Variants in IFT57 observed in about 807,000 individuals in gnomAD.
The protein encoded by IFT57 is intraflagellar transport protein 57 homolog.
A neutral mutation model predicts 56.8 loss-of-function variants in IFT57; 59 were observed. That is an observed-to-expected ratio of 1.04 (90% CI 0.84 to 1.29). IFT57 has a LOEUF of 1.29. Ranked by LOEUF, IFT57 falls within the 50% of genes most tolerant of loss-of-function variation. IFT57 has a pLI of 0.00. For synonymous variants in IFT57, 209 were observed against 186.1 expected, an observed-to-expected ratio of 1.12 and a Z score of -1.00; for missense variants, 470 against 522.1, an observed-to-expected ratio of 0.90 and a Z score of 0.97.
Position 108,167,831 on chromosome 3 carries a change from G to A in IFT57, c.811C>T (p.His271Tyr). 6 of 1,591,930 alleles carry A rather than the reference G, an allele frequency of 3.8e-6. No homozygotes were observed. The highest frequency in any genetic ancestry group is 4.3e-6 in the Non-Finnish European group (5 of 1,169,750). The change falls in exon 7 of 11, where the codon CAC becomes TAC. Residue 271 changes from histidine (H) to tyrosine (Y), a missense_variant. His to Tyr is a moderately conservative substitution (Grantham distance 83). Transcript: ENST00000264538. Reference sequence around the variant, plus strand: ...AGAGCAGATTCAATTCCACTTCTGTGCTGGTGCATTTGGTCAACATGGATT... The same window carrying A: ...AGAGCAGATTCAATTCCACTTCTGTACTGGTGCATTTGGTCAACATGGATT... Reference protein sequence around the residue: ...WRIHVDQMHQHRSGIESALKE... With the variant: ...WRIHVDQMHQYRSGIESALKE...
At chr3:108,173,553 C>T (rs547967507) in intron 6 of IFT57, among the ~76,000 whole-genome samples, 1 of 151,926 alleles carries the variant, frequency 6.6e-6, no homozygotes, top group Non-Finnish European at 1.5e-5. Context: ...GAAAGGCTTA[C>T]ATTAGCCTCA....
chr3:108,168,467 T>G (rs930910339), intron 6 of IFT57, among the ~76,000 whole-genome samples: 5 of 151,998 alleles, frequency 3.3e-5, no homozygotes, highest in Non-Finnish European at 7.4e-5. Flanking sequence ...TTCAGTTTAC[T>G]ACAAAGTAAT....
chr3:108,180,961 G>C (rs893765051), intron 6 of IFT57, among the ~76,000 whole-genome samples: 2 of 151,936 alleles, frequency 1.3e-5, no homozygotes, highest in Non-Finnish European at 2.9e-5. Flanking sequence ...TATCAACAGT[G>C]AGGCATTAGC....
chr3:108,222,072 C>A (rs1442383998), intron 1 of IFT57, 39 bp downstream of exon 1: 13 of 1,559,182 alleles, frequency 8.3e-6, no homozygotes, highest in South Asian at 1.2e-5. Flanking sequence ...TCCCTGGGGG[C>A]TAGCAGGCAC....
At chr3:108,166,137 C>G (rs1045336009) in intron 8 of IFT57, among the ~76,000 whole-genome samples, 2 of 151,962 alleles carry the variant, frequency 1.3e-5, no homozygotes, top group African/African-American at 2.4e-5. Context: ...AGAAGTATCT[C>G]AAATTTACTT....
chr3:108,172,186 T>C (rs568029491), intron 6 of IFT57, among the ~76,000 whole-genome samples: 20 of 151,868 alleles, frequency 1.3e-4, no homozygotes, highest in Admixed American at 1.2e-3. Context: ...CCTCGAAGCA[T>C]GAGTAGCATT....
chr3:108,164,197 A>T (rs148997338), intron 9 of IFT57, among the ~76,000 whole-genome samples: 64 of 152,150 alleles, frequency 4.2e-4, no homozygotes, highest in African/African-American at 1.5e-3. Context: ...ACACTAAAAA[A>T]TGTTTATATC....
intron 5 of IFT57, among the ~76,000 whole-genome samples, chr3:108,200,716 T>C (rs1402953985): frequency 6.6e-6 from 1 of 152,122 alleles, no homozygotes; most frequent in African/African-American, 2.4e-5. Flanking sequence ...GCAAATTTAG[T>C]CTAGTGGGCC....
chr3:108,161,053 A>G lies in IFT57; in HGVS notation c.*1424T>C, dbSNP rs1229520301. On this transcript the variant is annotated 3_prime_UTR_variant, in exon 11 of 11. Transcript: ENST00000264538. ...TGATTTATCTAAAAGCGTTCTCTGC[A>G]TTGATTGAATTCATCAAAAAACTAC... The G allele has an allele frequency of 6.6e-6, 1 of 152,178 alleles. No individual in the cohort carries two copies. Among genetic ancestry groups the G allele is most frequent in the Non-Finnish European group, 1.5e-5 (1 of 68,024 alleles). 9.4% of individuals were successfully genotyped at this position (152,178 alleles called of 1,614,324 possible).
At chr3:108,194,524 A>G (rs1350713372) in intron 5 of IFT57, among the ~76,000 whole-genome samples, 1 of 152,188 alleles carries the variant, frequency 6.6e-6, no homozygotes, top group African/African-American at 2.4e-5. Context: ...AAGACCCAGA[A>G]TAGTCAAAGC....
In IFT57 at chr3:108,205,398, T is replaced by C. The variant is rs141533921; in HGVS notation, c.654+1230A>G. ...TAAGTATTAGAGTAAAGTCACACAC[T>C]GAGGCAAGTTGACCACAACGTTATA... On this transcript the variant is annotated intron_variant, in intron 5 of 10. Coordinates refer to ENST00000264538, the MANE Select transcript of IFT57 (RefSeq NM_018010.4). 6.4e-3 allele frequency among the ~76,000 whole-genome samples: 969 copies of C among 152,102 alleles called. 5 individuals carry two copies. Among genetic ancestry groups the C allele is most frequent in the Non-Finnish European group, 7.7e-3 (523 of 67,928 alleles).
At chr3:108,212,542 A>G (rs1185636452) in intron 4 of IFT57, among the ~76,000 whole-genome samples, 1 of 152,084 alleles carries the variant, frequency 6.6e-6, no homozygotes, top group Non-Finnish European at 1.5e-5. Context: ...CTGGTGCTAC[A>G]CTTCTTGTAT....
At chr3:108,206,215 C>T (rs2080313301) in intron 5 of IFT57, among the ~76,000 whole-genome samples, 1 of 149,024 alleles carries the variant, frequency 6.7e-6, no homozygotes, top group South Asian at 2.1e-4. Flanking sequence ...TGTCTGATTA[C>T]TTATTCATAT....
chr3:108,180,061 G>A (rs1054377537), intron 6 of IFT57, among the ~76,000 whole-genome samples: 4 of 151,870 alleles, frequency 2.6e-5, no homozygotes, highest in Admixed American at 1.3e-4. Context: ...GTACATCATC[G>A]GTAAGGAAGG....
At chr3:108,172,117 T>TC (rs2080096358) in intron 6 of IFT57, among the ~76,000 whole-genome samples, 1 of 151,872 alleles carries the variant, frequency 6.6e-6, no homozygotes, top group Non-Finnish European at 1.5e-5. Flanking sequence ...CATTTAGGTA[T>TC]AACTACGATA....
At chr3:108,164,337 C>T (rs1402699131) in intron 9 of IFT57, among the ~76,000 whole-genome samples, 2 of 152,012 alleles carry the variant, frequency 1.3e-5, no homozygotes, top group Non-Finnish European at 2.9e-5. Flanking sequence ...ACTATAACCT[C>T]TATTATTAGC....
chr3:108,182,841 T>G (rs1576036173), intron 6 of IFT57, among the ~76,000 whole-genome samples: 1 of 152,244 alleles, frequency 6.6e-6, no homozygotes, highest in East Asian at 1.9e-4. Flanking sequence ...GACATTTTGG[T>G]GGAATGAAGG....
intron 6 of IFT57, among the ~76,000 whole-genome samples, chr3:108,176,399 G>A (rs1267701152): frequency 6.6e-6 from 1 of 151,740 alleles, no homozygotes; most frequent in Non-Finnish European, 1.5e-5. Flanking sequence ...AAATGAATAG[G>A]AAACCAAGTA....
At chr3:108,181,409 A>C (rs533908127) in intron 6 of IFT57, among the ~76,000 whole-genome samples, 1 of 152,190 alleles carries the variant, frequency 6.6e-6, no homozygotes, top group African/African-American at 2.4e-5. Flanking sequence ...AGTCCACAAA[A>C]TAACACTTGT....
Sources: gnomAD v4.1 joint callset for allele counts (sites outside exome capture counted in the v4.1 genomes callset) on GRCh38, gnomAD v4.1.1 for gene constraint, MANE v1.5 for transcripts, NCBI Gene and HGNC (gene_info 2026-07-23, HGNC 2026-07-21) for gene names.